AMTN: variants seen among roughly 807,000 people sequenced by gnomAD.
The protein encoded by AMTN is amelotin, also known as RSTI689.
AMTN carries 29 observed loss-of-function variants against 27.4 expected under a neutral mutation model. That is an observed-to-expected ratio of 1.06 (90% CI 0.79 to 1.44). AMTN has a LOEUF of 1.44. AMTN is among the 40% of genes most tolerant of loss of function. The probability of loss-of-function intolerance (pLI) is 0.00; values close to 1 mark genes in which losing one functional copy is unlikely to be tolerated. For missense variants in AMTN, 247 were observed against 248.8 expected (o/e 0.99, Z 0.05); for synonymous variants, 86 against 95.7 (o/e 0.90, Z 0.59).
At chr4:70,525,302 A>G (rs927322811) in intron 5 of AMTN, among the ~76,000 whole-genome samples, 1 of 152,192 alleles carries the variant, frequency 6.6e-6, no homozygotes, top group African/African-American at 2.4e-5. Flanking sequence ...TCTCTTGAAG[A>G]CTTTCTTGGT....
At chr4:70,530,989 G>T in intron 7 of AMTN, 50 bp from the exon 8 acceptor site, 1 of 1,602,102 alleles carries the variant, frequency 6.2e-7, no homozygotes, top group Non-Finnish European at 8.5e-7. Context: ...AAAGAGAAAA[G>T]AAAATGTGTT....
intron 5 of AMTN, 103 bp from the exon 6 acceptor site, chr4:70,528,620 A>G: frequency 1.0e-6 from 1 of 997,296 alleles, no homozygotes; most frequent in Non-Finnish European, 1.5e-6. Context: ...ACTGCACTCC[A>G]GCCTGGGCAA....
chr4:70,529,321 T>C, intron 7 of AMTN, 111 bp downstream of exon 7: 1 of 676,202 alleles, frequency 1.5e-6, no homozygotes, highest in Non-Finnish European at 2.2e-6. Flanking sequence ...TGTACTACAA[T>C]GAACTGAACA....
rs763285086 is a variant in AMTN at position 70,522,825 on chromosome 4, A to G, written c.125A>G (p.Gln42Arg). 4.3e-6 allele frequency: 7 copies of G among 1,613,734 alleles called. No individual in the cohort carries two copies. The Admixed American group carries it at 5.0e-5, about 12-fold the overall frequency. ...APDQGTLPNQ[Q>R]QSNQVFPSLS... ...GATCAGGGAACACTACCAAACCAAC[A>G]GCAGTCAAATCAGGTAAGAGTCCTA... Residue 42 changes from glutamine (Q) to arginine (R), a missense_variant, in exon 3 of 9, where the codon CAG becomes CGG. Coordinates refer to ENST00000339336, the MANE Select transcript of AMTN (RefSeq NM_212557.4).
intron 8 of AMTN, among the ~76,000 whole-genome samples, chr4:70,531,814 A>G (rs566828446): frequency 6.6e-6 from 1 of 152,132 alleles, no homozygotes; most frequent in Non-Finnish European, 1.5e-5. Context: ...ACCTGACCAT[A>G]CAAGCTAATT....
rs1399305507 is a variant in AMTN, at chr4:70,529,185, G to A, written c.332G>A (p.Gly111Asp). Residue 111 changes from glycine to aspartate, a missense_variant and splice_region_variant, in exon 7 of 9, where the codon GGC (glycine) becomes GAC (aspartate). Physicochemically the swap from Gly to Asp is moderately conservative, Grantham distance 94. Coordinates refer to ENST00000339336, the MANE Select transcript of AMTN (RefSeq NM_212557.4). Reference protein sequence around the residue: ...PIFVTQLGAQGTILSSEELPQ... With the variant: ...PIFVTQLGAQDTILSSEELPQ... ...TTGTGTTTGTCATTTTGCTTTTAGG[G>A]CACTATCCTAAGCTCAGAGGAATTG... 3 of 1,554,582 alleles carry A rather than the reference G, an allele frequency of 1.9e-6. No individual in the cohort carries two copies. The highest frequency in any genetic ancestry group is 2.6e-6 in the Non-Finnish European group (3 of 1,156,038).
chr4:70,531,154 C>A lies in AMTN; in HGVS notation c.473C>A (p.Ala158Glu). 6.2e-7 allele frequency: 1 copy of A among 1,614,032 alleles called. No individual in the cohort carries two copies. Among genetic ancestry groups the A allele is most frequent in the Non-Finnish European group, 8.5e-7 (1 of 1,179,978 alleles). The change falls in exon 8 of 9, where the codon GCA (alanine) becomes GAA (glutamate). Residue 158 changes from alanine to glutamate, a missense_variant. By Grantham distance (107) the Ala-to-Glu change is moderately radical. Coordinates refer to ENST00000339336, the MANE Select transcript of AMTN (RefSeq NM_212557.4). The stretch of plus-strand genomic sequence containing the variant: ...GATGGAAGCCTTCCAGCAGGAGGAG[C>A]AGGTGTAAATCCTGCCACCCAGGGA... ...VQDGSLPAGG[A>E]GVNPATQGTP...
At chr4:70,523,243 C>T (rs1736019303) in intron 3 of AMTN, among the ~76,000 whole-genome samples, 2 of 152,170 alleles carry the variant, frequency 1.3e-5, no homozygotes, top group Non-Finnish European at 2.9e-5. Flanking sequence ...AAAATAACTG[C>T]AGATTTCCTC....
intron 7 of AMTN, 73 bp from the exon 8 acceptor site, chr4:70,530,966 C>G: frequency 1.9e-6 from 3 of 1,553,272 alleles, no homozygotes; most frequent in Non-Finnish European, 2.6e-6. Flanking sequence ...CCTACCCAAA[C>G]TTGCTCCCCT....
chr4:70,523,173 T>A (rs1008194076), intron 3 of AMTN, among the ~76,000 whole-genome samples: 5 of 152,244 alleles, frequency 3.3e-5, no homozygotes, highest in Admixed American at 1.3e-4. Context: ...CTTGAGGTAC[T>A]GTGGCATTAT....
At position 70,524,926 on chromosome 4, in the gene AMTN, G is replaced by C; in HGVS notation, c.259G>C (p.Gly87Arg). The change falls in exon 5 of 9, where the codon GGA (glycine) becomes CGA (arginine). Residue 87 changes from glycine (G) to arginine (R), a missense_variant. By Grantham distance (125) the Gly-to-Arg change is moderately radical (BLOSUM62 -2). Transcript: ENST00000339336. ...PGTQTHPLTL[G>R]GLNVQQQLHP... Reference sequence around the variant, plus strand: ...TACCCAGACCCACCCATTGACCCTGGGAGGGTTGAATGTACAACAGCAACT... The same window carrying C: ...TACCCAGACCCACCCATTGACCCTGCGAGGGTTGAATGTACAACAGCAACT... 6.2e-7 allele frequency: 1 copy of C among 1,613,980 alleles called. No homozygotes were observed. The highest frequency in any genetic ancestry group is 8.5e-7 in the Non-Finnish European group (1 of 1,179,924).
At position 70,530,492 on chromosome 4, in the gene AMTN, A is replaced by G. The variant is rs117395741; in HGVS notation, c.358-547A>G. ...TTCATTCCTTGCCCAGCAAATCAGG[A>G]TGGCATCAAAAGCTGGTTAAAAAGG... On this transcript the variant is annotated intron_variant, in intron 7 of 8. Coordinates refer to ENST00000339336, the MANE Select transcript of AMTN (RefSeq NM_212557.4). 6.1e-4 allele frequency among the ~76,000 whole-genome samples: 93 copies of G among 152,312 alleles called. 3 individuals are homozygous for G. The East Asian group carries it at 0.017, about 27-fold the overall frequency.
chr4:70,528,555 C>T (rs1736147587), intron 5 of AMTN, among the ~76,000 whole-genome samples, 168 bp from the exon 6 acceptor site: 1 of 152,180 alleles, frequency 6.6e-6, no homozygotes, highest in African/African-American at 2.4e-5. Flanking sequence ...GAGGCTGAGG[C>T]AGGAGAATCA....
At chr4:70,527,538 G>T (rs964745338) in intron 5 of AMTN, among the ~76,000 whole-genome samples, 1 of 152,304 alleles carries the variant, frequency 6.6e-6, no homozygotes, top group African/African-American at 2.4e-5. Flanking sequence ...CTGATTGTGA[G>T]TAAGGCTTTT....
Position 70,529,139 on chromosome 4 carries a change from C to T in AMTN, c.331-45C>T, listed in dbSNP as rs760362472. On this transcript the variant is annotated intron_variant, in intron 6 of 8. Transcript: ENST00000339336. ...TATTATACATATATTACTACAAATACATTAAAATGTGTCTAACAAATTGTG... is the reference window on the plus strand; with the variant it reads ...TATTATACATATATTACTACAAATATATTAAAATGTGTCTAACAAATTGTG... The T allele has an allele frequency of 6.1e-6, 9 of 1,475,006 alleles. No homozygotes were observed. The East Asian group carries it at 1.5e-4, about 24-fold the overall frequency. 91.4% of individuals were successfully genotyped at this position (1,475,006 alleles called of 1,614,324 possible). A position where few individuals can be genotyped will look rare whatever the true frequency, so the allele number is the denominator to read the frequency against.
chr4:70,528,709 T>C lies in AMTN; in HGVS notation c.295-14T>C. On this transcript the variant is annotated splice_polypyrimidine_tract_variant and intron_variant, in intron 5 of 8. Transcript: ENST00000339336. The stretch of plus-strand genomic sequence containing the variant: ...GAGCTTACTTTTGAAAGAGTTTTTC[T>C]CTCATTTTTTCAGGTGTTACCAATT... 6.2e-7 allele frequency: 1 copy of C among 1,606,984 alleles called. No individual in the cohort carries two copies. The highest frequency in any genetic ancestry group is 8.5e-7 in the Non-Finnish European group (1 of 1,176,904).
intron 2 of AMTN, among the ~76,000 whole-genome samples, chr4:70,521,225 A>G (rs1218670904): frequency 6.6e-6 from 1 of 152,014 alleles, no homozygotes; most frequent in Non-Finnish European, 1.5e-5. Flanking sequence ...CTAAAAATAC[A>G]AAAAATTAGC....
At chr4:70,520,902 G>C (rs909758735) in intron 2 of AMTN, among the ~76,000 whole-genome samples, 10 of 152,148 alleles carry the variant, frequency 6.6e-5, no homozygotes, top group African/African-American at 2.4e-4. Context: ...TCCAGACAGA[G>C]GGAACAGGTG....
In AMTN at chr4:70,532,584, T is replaced by A; in HGVS notation, c.*119T>A. On this transcript the variant is annotated 3_prime_UTR_variant, in exon 9 of 9. Coordinates refer to ENST00000339336, the MANE Select transcript of AMTN (RefSeq NM_212557.4). ...TTGGATAGTCTTAGAAGAAATTAAT[T>A]CTTAATTTACCTGAAAATATTCTTG... 10 of 913,572 alleles carry A rather than the reference T, an allele frequency of 1.1e-5. No individual in the cohort carries two copies. The highest frequency in any genetic ancestry group is 1.7e-5 in the Non-Finnish European group (10 of 605,430). The allele number at this position is 913,572 out of a possible 1,614,324, so 56.6% of individuals were successfully genotyped here.
Sources: gnomAD v4.1 joint callset for allele counts (sites outside exome capture counted in the v4.1 genomes callset) on GRCh38, gnomAD v4.1.1 for gene constraint, MANE v1.5 for transcripts, NCBI Gene and HGNC (gene_info 2026-07-23, HGNC 2026-07-21) for gene names.